COMMD10: variants seen among roughly 807,000 people sequenced by gnomAD.
COMMD10 encodes COMM domain-containing protein 10.
COMMD10 carries 33 observed loss-of-function variants against 28.9 expected under a neutral mutation model. The observed-to-expected ratio is 1.14, with a 90% CI of 0.87 to 1.53. The LOEUF is 1.53. COMMD10 is among the 40% of genes most tolerant of loss of function. The pLI, the probability that COMMD10 is intolerant of heterozygous loss-of-function variation, is 0.00. For synonymous variants in COMMD10, 110 were observed against 81.7 expected, an observed-to-expected ratio of 1.35 and a Z score of -1.87; for missense variants, 310 against 233.4, an observed-to-expected ratio of 1.33 and a Z score of -2.14.
intron 5 of COMMD10, among the ~76,000 whole-genome samples, chr5:116,202,284 A>G (rs1405177833): frequency 3.3e-5 from 5 of 151,614 alleles, no homozygotes; most frequent in South Asian, 2.1e-4. Context: ...CCAGTCTATC[A>G]TTGTTGGACA....
intron 5 of COMMD10, among the ~76,000 whole-genome samples, chr5:116,241,177 G>C (rs1749798111): frequency 6.6e-6 from 1 of 152,126 alleles, no homozygotes; most frequent in African/African-American, 2.4e-5. Context: ...ACATGAAGTT[G>C]AGTATCATCT....
intron 5 of COMMD10, among the ~76,000 whole-genome samples, chr5:116,241,972 CAT>C (rs1749827668): frequency 6.6e-6 from 1 of 152,072 alleles, no homozygotes; most frequent in African/African-American, 2.4e-5. Context: ...TCCCTCAACT[CAT>C]GTGAAAAAAT....
intron 5 of COMMD10, among the ~76,000 whole-genome samples, chr5:116,283,693 C>T (rs541326299): frequency 6.6e-6 from 1 of 151,742 alleles, no homozygotes; most frequent in East Asian, 1.9e-4. Context: ...TTAACCAAAT[C>T]TGATCAATGT....
At position 116,134,154 on chromosome 5, in the gene COMMD10, C is replaced by G; in HGVS notation, c.486C>G (p.Leu162=). 2 of 1,604,032 alleles carry G rather than the reference C, an allele frequency of 1.2e-6. No homozygotes were observed. Among genetic ancestry groups the G allele is most frequent in the Non-Finnish European group, 1.7e-6 (2 of 1,170,814 alleles). The change falls in exon 5 of 7, where the codon CTC becomes CTG. Residue 162 remains leucine, a synonymous_variant. Transcript: ENST00000274458. ...AATCTCCTCAAGCTGTGTTACAACT[C>G]GGAGTGAACAATGAAGATTCAAAGG... ...KLKSPQAVLQ[L]GVNNEDSKSL...
At chr5:116,259,416 A>T (rs2112683981) in intron 5 of COMMD10, among the ~76,000 whole-genome samples, 1 of 150,902 alleles carries the variant, frequency 6.6e-6, no homozygotes, top group Middle Eastern at 3.5e-3. Flanking sequence ...TTCAAATCTC[A>T]CTGAGAATTA....
At chr5:116,275,759 T>G (rs1231433482) in intron 5 of COMMD10, among the ~76,000 whole-genome samples, 1 of 151,684 alleles carries the variant, frequency 6.6e-6, no homozygotes, top group Non-Finnish European at 1.5e-5. Flanking sequence ...AATAAAGATG[T>G]CATACTTCAC....
chr5:116,164,066 C>T (rs1753012481), intron 5 of COMMD10, among the ~76,000 whole-genome samples: 2 of 152,152 alleles, frequency 1.3e-5, no homozygotes, highest in South Asian at 2.1e-4. Context: ...TCTGTAATCC[C>T]AGCATTTTGG....
At chr5:116,265,711 A>G (rs1168114757) in intron 5 of COMMD10, among the ~76,000 whole-genome samples, 1 of 151,696 alleles carries the variant, frequency 6.6e-6, no homozygotes, top group Non-Finnish European at 1.5e-5. Context: ...TATTGCTGTC[A>G]AGTAGGTGCT....
chr5:116,104,646 G>C (rs1279332191), intron 4 of COMMD10, among the ~76,000 whole-genome samples: 2 of 150,832 alleles, frequency 1.3e-5, no homozygotes, highest in African/African-American at 2.4e-5. Flanking sequence ...TTGAGACGGA[G>C]TCTCACTCTG....
intron 5 of COMMD10, among the ~76,000 whole-genome samples, chr5:116,157,471 A>G (rs903021364): frequency 1.3e-5 from 2 of 152,110 alleles, no homozygotes; most frequent in Non-Finnish European, 2.9e-5. Context: ...AGTGGACTTT[A>G]TGTCGGTTAT....
At chr5:116,275,377 C>G (rs192589742) in intron 5 of COMMD10, among the ~76,000 whole-genome samples, 49 of 151,906 alleles carry the variant, frequency 3.2e-4, no homozygotes, top group Non-Finnish European at 5.9e-4. Context: ...ATTTATCTTT[C>G]AGGTATCAGA....
chr5:116,188,572 C>T (rs1217675648), intron 5 of COMMD10: 1 of 150,472 alleles, frequency 6.6e-6, no homozygotes, highest in Non-Finnish European at 1.5e-5. Context: ...CTCTTTCTTT[C>T]TTCTTTCTTT....
chr5:116,124,440 G>C (rs926780109), intron 4 of COMMD10, among the ~76,000 whole-genome samples: 1 of 152,150 alleles, frequency 6.6e-6, no homozygotes, highest in Non-Finnish European at 1.5e-5. Flanking sequence ...GAGACAGTTT[G>C]TTGTGATTTC....
chr5:116,211,250 A>T (rs1036581730), intron 5 of COMMD10, among the ~76,000 whole-genome samples: 1 of 152,114 alleles, frequency 6.6e-6, no homozygotes, highest in Non-Finnish European at 1.5e-5. Flanking sequence ...TTGTTAGGCA[A>T]TCTGATCCCT....
intron 5 of COMMD10, among the ~76,000 whole-genome samples, chr5:116,224,335 C>G (rs1265845370): frequency 3.4e-4 from 51 of 152,148 alleles, no homozygotes; most frequent in Admixed American, 3.3e-3. Flanking sequence ...TCTACAGTTC[C>G]CAGCCATTGC....
intron 5 of COMMD10, among the ~76,000 whole-genome samples, chr5:116,272,372 C>G (rs1487706441): frequency 6.6e-6 from 1 of 151,872 alleles, no homozygotes; most frequent in Non-Finnish European, 1.5e-5. Context: ...GAGGAATGAG[C>G]AGGAGCTTTG....
chr5:116,202,380 T>C (rs1020597554), intron 5 of COMMD10, among the ~76,000 whole-genome samples: 59 of 151,156 alleles, frequency 3.9e-4, no homozygotes, highest in Non-Finnish European at 7.4e-4. Flanking sequence ...GCATGATTTA[T>C]AGTCCTTTGG....
chr5:116,207,533 T>TG (rs1419717629), intron 5 of COMMD10, among the ~76,000 whole-genome samples: 6 of 151,386 alleles, frequency 4.0e-5, no homozygotes, highest in Non-Finnish European at 8.9e-5. Context: ...TATTTCAGAT[T>TG]TTTTTTTCTT....
chr5:116,094,389 A>G (rs1162369165), intron 4 of COMMD10, among the ~76,000 whole-genome samples: 1 of 152,230 alleles, frequency 6.6e-6, no homozygotes, highest in Admixed American at 6.5e-5. Flanking sequence ...AAGACGATAT[A>G]TAAATGGCTA....
Sources: allele counts gnomAD v4.1 joint callset (sites outside exome capture counted in the v4.1 genomes callset), GRCh38; gene constraint gnomAD v4.1.1; transcripts MANE v1.5; gene names NCBI Gene and HGNC (gene_info 2026-07-23, HGNC 2026-07-21).